Variants in FHIT observed in about 807,000 individuals in gnomAD.
The protein encoded by FHIT is fragile histidine triad diadenosine triphosphatase, also known as bis(5'-adenosyl)-triphosphatase.
In FHIT, 19 loss-of-function variants were observed where a neutral mutation model predicts 17.9. That is an observed-to-expected ratio of 1.06 (90% CI 0.74 to 1.56). FHIT has a LOEUF of 1.56. FHIT is among the 40% of genes most tolerant of loss of function. The pLI, the probability that FHIT is intolerant of heterozygous loss-of-function variation, is 0.00. For synonymous variants in FHIT, 81 were observed against 69.7 expected (o/e 1.16, Z -0.81); for missense variants, 248 against 189.2 (o/e 1.31, Z -1.82).
At chr3:60,005,042 C>T (rs963470579) in intron 7 of FHIT, among the ~76,000 whole-genome samples, 1 of 152,070 alleles carries the variant, frequency 6.6e-6, no homozygotes, top group Non-Finnish European at 1.5e-5. Context: ...ACCTGGTAGG[C>T]GACAGCTCTG....
chr3:60,395,863 T>G (rs1701419118), intron 5 of FHIT, among the ~76,000 whole-genome samples: 1 of 152,180 alleles, frequency 6.6e-6, no homozygotes, highest in Non-Finnish European at 1.5e-5. Context: ...TTTTCCAGCT[T>G]GGACAGGGTT....
intron 7 of FHIT, among the ~76,000 whole-genome samples, chr3:59,941,920 G>A (rs1706539827): frequency 6.6e-6 from 1 of 152,226 alleles, no homozygotes; most frequent in African/African-American, 2.4e-5. Context: ...GTTAGTGTGT[G>A]GAAAAGCAAT....
chr3:60,951,099 T>C (rs1490742116), intron 3 of FHIT, among the ~76,000 whole-genome samples: 1 of 152,196 alleles, frequency 6.6e-6, no homozygotes, highest in African/African-American at 2.4e-5. Flanking sequence ...CACAGGAGAT[T>C]CTGTTTTTGT....
At chr3:60,179,291 C>T (rs544819356) in intron 5 of FHIT, among the ~76,000 whole-genome samples, 48 of 152,290 alleles carry the variant, frequency 3.2e-4, no homozygotes, top group South Asian at 6.2e-4. Flanking sequence ...AGTTAAGAGA[C>T]GGCAGGGCAG....
intron 8 of FHIT, among the ~76,000 whole-genome samples, chr3:59,834,308 G>A (rs942367758): frequency 6.6e-6 from 1 of 152,122 alleles, no homozygotes; most frequent in Admixed American, 6.6e-5. Context: ...TGGATGGGAG[G>A]TGCTTTACAC....
intron 5 of FHIT, among the ~76,000 whole-genome samples, chr3:60,158,376 ATC>A (rs1328077056): frequency 6.6e-6 from 1 of 151,884 alleles, no homozygotes; most frequent in African/African-American, 2.4e-5. Context: ...CAATGGCGCA[ATC>A]TCTGTGCACT....
At chr3:59,767,486 G>A (rs1266185176) in intron 8 of FHIT, among the ~76,000 whole-genome samples, 5 of 152,194 alleles carry the variant, frequency 3.3e-5, no homozygotes, top group African/African-American at 4.8e-5. Flanking sequence ...GCAACAGAGT[G>A]AGACTTGGTC....
chr3:60,892,180 AG>A (rs1705547808), intron 3 of FHIT, among the ~76,000 whole-genome samples: 1 of 152,160 alleles, frequency 6.6e-6, no homozygotes, highest in South Asian at 2.1e-4. Context: ...TCATCCTTCC[AG>A]GTTTGTTTGG....
At chr3:60,124,009 TAGAGAGAGAG>T (rs1168094593) in intron 5 of FHIT, among the ~76,000 whole-genome samples, 19 of 12,150 alleles carry the variant, frequency 1.6e-3, no homozygotes, top group South Asian at 4.5e-3. Context: ...TATATATATA[TAGAGAGAGAG>T]AGAGAGAGAG....
chr3:60,532,815 A>T (rs2035835366), intron 5 of FHIT, among the ~76,000 whole-genome samples: 1 of 152,174 alleles, frequency 6.6e-6, no homozygotes, highest in Non-Finnish European at 1.5e-5. Context: ...TTTCTCTGAA[A>T]GCTATGAAAA....
intron 5 of FHIT, among the ~76,000 whole-genome samples, chr3:60,388,513 G>C (rs1701100008): frequency 6.6e-6 from 1 of 152,110 alleles, no homozygotes; most frequent in South Asian, 2.1e-4. Flanking sequence ...TGAGGTGACA[G>C]GATCATAAGC....
intron 2 of FHIT, among the ~76,000 whole-genome samples, chr3:61,054,001 T>A (rs1575924506): frequency 1.3e-5 from 2 of 152,148 alleles, no homozygotes; most frequent in African/African-American, 4.8e-5. Flanking sequence ...GATGACAGGG[T>A]CATCTGTCCA....
chr3:60,090,627 G>C (rs1379643322), intron 5 of FHIT, among the ~76,000 whole-genome samples: 1 of 152,148 alleles, frequency 6.6e-6, no homozygotes, highest in Non-Finnish European at 1.5e-5. Flanking sequence ...CGAAGTGAAG[G>C]TGACAACCCT....
chr3:60,179,445 AGTT>A (rs1701826202), intron 5 of FHIT, among the ~76,000 whole-genome samples: 1 of 152,132 alleles, frequency 6.6e-6, no homozygotes, highest in Non-Finnish European at 1.5e-5. Flanking sequence ...TTCTGTTTCC[AGTT>A]GTCTGCTTAG....
intron 4 of FHIT, among the ~76,000 whole-genome samples, chr3:60,777,534 C>A: frequency 6.6e-6 from 1 of 152,102 alleles, no homozygotes; most frequent in Non-Finnish European, 1.5e-5. Context: ...TTATAAAATG[C>A]TTCTTATCAG....
chr3:60,850,916 C>T (rs537594766), intron 3 of FHIT, among the ~76,000 whole-genome samples: 27 of 152,170 alleles, frequency 1.8e-4, no homozygotes, highest in African/African-American at 6.5e-4. Flanking sequence ...AAGTGAATGT[C>T]CCCACATACC....
chr3:60,238,703 C>A (rs1289266798), intron 5 of FHIT, among the ~76,000 whole-genome samples: 1 of 152,094 alleles, frequency 6.6e-6, no homozygotes, highest in Non-Finnish European at 1.5e-5. Flanking sequence ...GATGACAAGG[C>A]TCAGGGAAAG....
chr3:60,430,508 A>AT (rs533600109), intron 5 of FHIT, among the ~76,000 whole-genome samples: 18 of 151,282 alleles, frequency 1.2e-4, no homozygotes, highest in Non-Finnish European at 2.1e-4. Context: ...TAAGGGCAAT[A>AT]TTTTTTTTTC....
At chr3:60,258,445 T>C (rs1174785436) in intron 5 of FHIT, among the ~76,000 whole-genome samples, 2 of 152,178 alleles carry the variant, frequency 1.3e-5, no homozygotes, top group African/African-American at 4.8e-5. Context: ...GTATCCTAAA[T>C]AAAATCACCT....
Sources: allele counts gnomAD v4.1 joint callset (sites outside exome capture counted in the v4.1 genomes callset), GRCh38; gene constraint gnomAD v4.1.1; transcripts MANE v1.5; gene names NCBI Gene and HGNC (gene_info 2026-07-23, HGNC 2026-07-21).